ASMT: variants seen among roughly 807,000 people sequenced by gnomAD.
The protein encoded by ASMT is acetylserotonin O-methyltransferase.
In ASMT, 53 loss-of-function variants were observed where a neutral mutation model predicts 41.3. The ratio of observed to expected loss-of-function variants is 1.28; its 90% CI spans 1.03 to 1.61. The LOEUF (loss-of-function observed/expected upper bound fraction) is 1.61. Ranked by LOEUF, ASMT falls within the 40% of genes most tolerant of loss-of-function variation. The pLI, the probability that ASMT is intolerant of heterozygous loss-of-function variation, is 0.00. For missense variants in ASMT, 531 were observed against 441.3 expected (o/e 1.20, Z -1.82); for synonymous variants, 231 against 184.8 (o/e 1.25, Z -2.03).
chrX:1,624,390 C>G lies in ASMT; in HGVS notation c.366C>G (p.Asp122Glu). The G allele has an allele frequency of 1.2e-6, 2 of 1,613,260 alleles. No homozygotes were observed. The highest frequency in any genetic ancestry group is 1.7e-6 in the Non-Finnish European group (2 of 1,179,800). Residue 122 changes from aspartate (D) to glutamate (E), a missense_variant, in exon 3 of 9, where the codon GAC becomes GAG. Physicochemically the swap from Asp to Glu is conservative, Grantham distance 45 (BLOSUM62 2). Coordinates refer to ENST00000381241, the MANE Select transcript of ASMT (RefSeq NM_001171038.2). ...ACCGGTGCTGGGGCCACCTGGCAGA[C>G]GCCGTGAGGTGGGGGCTGCCCCCAG... is the stretch of plus-strand genomic sequence containing the variant. ...TSYRCWGHLA[D>E]AVREGRNQYL... is the part of the protein sequence containing the mutation.
At chrX:1,636,199 T>C (rs1293693435) in intron 7 of ASMT, 26 of 575,730 alleles carry the variant, frequency 4.5e-5, no homozygotes, top group East Asian at 6.9e-5. Flanking sequence ...CCTCGTGATC[T>C]GCCCACCTCC....
chrX:1,629,576 C>A (rs1934691981), intron 4 of ASMT, among the ~76,000 whole-genome samples: 1 of 152,168 alleles, frequency 6.6e-6, no homozygotes, highest in African/African-American at 2.4e-5. Context: ...ATAGAAATCC[C>A]TTCCCATCCA....
intron 3 of ASMT, 22 bp downstream of exon 3, chrX:1,624,420 A>G: frequency 3.7e-6 from 6 of 1,608,180 alleles, no homozygotes; most frequent in Non-Finnish European, 5.1e-6. Flanking sequence ...CCCCAGGCAG[A>G]TGCTGGGAGG....
At position 1,635,088 on chromosome X, in the gene ASMT, C is replaced by T. The variant is rs1934910865; in HGVS notation, c.788-1350C>T. 2.0e-5 allele frequency among the ~76,000 whole-genome samples: 3 copies of T among 150,350 alleles called. No individual in the cohort carries two copies. The South Asian group carries it at 6.4e-4, about 32-fold the overall frequency. On this transcript the variant is annotated intron_variant, in intron 7 of 8. Coordinates refer to ENST00000381241, the MANE Select transcript of ASMT (RefSeq NM_001171038.2). Reference sequence around the variant, plus strand: ...CTCCCGGGTTCACACCATTCTCCTGCCTCAGCCTCCCGAGTAGCTGGGACT... The same window carrying T: ...CTCCCGGGTTCACACCATTCTCCTGTCTCAGCCTCCCGAGTAGCTGGGACT...
intron 5 of ASMT, among the ~76,000 whole-genome samples, chrX:1,630,365 G>A (rs1934728977): frequency 6.9e-6 from 1 of 145,206 alleles, no homozygotes; most frequent in African/African-American, 2.6e-5. Context: ...GAGTGCAGTG[G>A]CACGATCTCG....
intron 5 of ASMT, among the ~76,000 whole-genome samples, chrX:1,631,889 A>G (rs1365383556): frequency 1.3e-5 from 2 of 152,122 alleles, no homozygotes; most frequent in South Asian, 4.1e-4. Flanking sequence ...CTCTACTAAA[A>G]ATACAAAAAC....
Position 1,615,248 on chromosome X carries a change from A to G in ASMT, c.49A>G (p.Asn17Asp). ...CTATCGCCTCCTTAATGACTACGCC[A>G]ACGGCTTCATGGTGTCCCAGGTAGG... ...QAYRLLNDYA[N>D]GFMVSQVLFA... is the part of the protein sequence containing the mutation. The change falls in exon 1 of 9, where the codon AAC becomes GAC. Residue 17 changes from asparagine (N) to aspartate (D), a missense_variant. Asn to Asp is a conservative substitution (Grantham distance 23). Coordinates refer to ENST00000381241, the MANE Select transcript of ASMT (RefSeq NM_001171038.2). 6.3e-7 allele frequency: 1 copy of G among 1,596,590 alleles called. No individual in the cohort carries two copies. Among genetic ancestry groups the G allele is most frequent in the Non-Finnish European group, 8.5e-7 (1 of 1,171,606 alleles).
intron 5 of ASMT, among the ~76,000 whole-genome samples, chrX:1,631,722 C>T (rs1434108248): frequency 6.6e-6 from 1 of 151,786 alleles, no homozygotes; most frequent in Non-Finnish European, 1.5e-5. Flanking sequence ...CGAGATCAGC[C>T]TGGTCAACAT....
chrX:1,629,659 T>C (rs1267742275), intron 4 of ASMT, among the ~76,000 whole-genome samples, 162 bp from the exon 5 acceptor site: 5 of 152,160 alleles, frequency 3.3e-5, no homozygotes, highest in South Asian at 2.1e-4. Context: ...TGACCTATGG[T>C]TCCCCCATCC....
At chrX:1,627,563 G>C in intron 3 of ASMT, 140 bp from the exon 4 acceptor site, 2 of 888,308 alleles carry the variant, frequency 2.3e-6, no homozygotes, top group Non-Finnish European at 3.8e-6. Flanking sequence ...AGAGGTTGCA[G>C]TGAGCCGAGA....
intron 3 of ASMT, among the ~76,000 whole-genome samples, chrX:1,625,660 G>A (rs1386963608): frequency 6.6e-6 from 1 of 151,890 alleles, no homozygotes; most frequent in Non-Finnish European, 1.5e-5. Flanking sequence ...TCAATAGAAA[G>A]GAGTGTCTGG....
At chrX:1,633,642 A>ATTTTTT (rs35471677) in intron 7 of ASMT, among the ~76,000 whole-genome samples, 1 of 131,674 alleles carries the variant, frequency 7.6e-6, no homozygotes, top group African/African-American at 2.9e-5. Flanking sequence ...CATCCAGCTA[A>ATTTTTT]TTTTTTTTTT....
chrX:1,615,480 A>G lies in ASMT; in HGVS notation c.69+212A>G, dbSNP rs180903018. On this transcript the variant is annotated intron_variant, in intron 1 of 8. Transcript: ENST00000381241. ...GGGACAGCTTGGTTTGATACATTTTACAGAGACATGAGTCATCAATCAATG... is the reference window on the plus strand; with the variant it reads ...GGGACAGCTTGGTTTGATACATTTTGCAGAGACATGAGTCATCAATCAATG... Among the ~76,000 whole-genome samples the G allele has an allele frequency of 2.4e-3, 360 of 152,092 alleles. 2 individuals carry two copies. Among genetic ancestry groups the G allele is most frequent in the African/African-American group, 7.7e-3 (321 of 41,486 alleles).
At chrX:1,622,860 C>T (rs182890439) in intron 1 of ASMT, among the ~76,000 whole-genome samples, 580 of 151,626 alleles carry the variant, frequency 3.8e-3, no homozygotes, top group South Asian at 0.016. Flanking sequence ...TGCAGTGAGC[C>T]GAGACCGCAC....
At chrX:1,633,035 G>A (rs1434132480) in intron 6 of ASMT, 115 bp from the exon 7 acceptor site, 6 of 1,190,796 alleles carry the variant, frequency 5.0e-6, no homozygotes, top group African/African-American at 1.5e-5. Flanking sequence ...GACCAGACAT[G>A]GCGGAAGGAC....
intron 1 of ASMT, among the ~76,000 whole-genome samples, chrX:1,621,516 C>T (rs1322186146): frequency 2.6e-5 from 4 of 151,930 alleles, no homozygotes; most frequent in South Asian, 2.1e-4. Context: ...TGGGGTTTCA[C>T]CATGTTGGCC....
chrX:1,624,002 G>A (rs773417078), intron 2 of ASMT, among the ~76,000 whole-genome samples: 20 of 152,162 alleles, frequency 1.3e-4, no homozygotes, highest in African/African-American at 4.8e-4. Flanking sequence ...TCCTCTCGTG[G>A]CTCATCTGCC....
Position 1,624,342 on chromosome X carries a change from G to A in ASMT, c.318G>A (p.Leu106=), listed in dbSNP as rs370304793. The change falls in exon 3 of 9, where the codon CTG becomes CTA. Residue 106 remains leucine, a synonymous_variant. Coordinates refer to ENST00000381241, the MANE Select transcript of ASMT (RefSeq NM_001171038.2). ...TVSPTSQCSM[L]KYMGRTSYRC... ...GCCCGACGTCACAATGCAGCATGCTGAAGTACATGGGCAGGACCAGCTACC... is the reference window on the plus strand; with the variant it reads ...GCCCGACGTCACAATGCAGCATGCTAAAGTACATGGGCAGGACCAGCTACC... 6.2e-6 allele frequency: 10 copies of A among 1,613,844 alleles called. No homozygotes were observed. Among genetic ancestry groups the A allele is most frequent in the Non-Finnish European group, 8.5e-6 (10 of 1,179,888 alleles).
chrX:1,634,577 G>C (rs1352787633), intron 7 of ASMT, among the ~76,000 whole-genome samples: 2 of 152,148 alleles, frequency 1.3e-5, no homozygotes, highest in African/African-American at 2.4e-5. Context: ...CATTCTTAGA[G>C]ATTACAGTTG....
Sources: allele counts gnomAD v4.1 joint callset (sites outside exome capture counted in the v4.1 genomes callset), GRCh38; gene constraint gnomAD v4.1.1; transcripts MANE v1.5; gene names NCBI Gene and HGNC (gene_info 2026-07-23, HGNC 2026-07-21).